CLVS1: variants seen among roughly 807,000 people sequenced by gnomAD.
CLVS1 encodes clavesin-1.
In CLVS1, 10 loss-of-function variants were observed where a neutral mutation model predicts 33.1. That is an observed-to-expected ratio of 0.30 (90% CI 0.19 to 0.51). The LOEUF is 0.51. Among genes scored for constraint, CLVS1 ranks in the 20% least tolerant of loss-of-function variants. CLVS1 has a pLI of 0.97. For synonymous variants in CLVS1, 163 were observed against 166.1 expected, an observed-to-expected ratio of 0.98 and a Z score of 0.14; for missense variants, 343 against 433.4, an observed-to-expected ratio of 0.79 and a Z score of 1.85.
chr8:61,438,329 C>A (rs897867937), intron 3 of CLVS1, among the ~76,000 whole-genome samples: 17 of 152,158 alleles, frequency 1.1e-4, no homozygotes, highest in African/African-American at 4.1e-4. Context: ...ACTTCCACCT[C>A]CATCCATGTC....
rs139906147 is a variant in CLVS1 at position 61,067,388 on chromosome 8, A to G, written c.-243+10158A>G. Among the ~76,000 whole-genome samples, 6 of 149,588 alleles carry G rather than the reference A, an allele frequency of 4.0e-5. No homozygotes were observed. In the East Asian group the frequency reaches 1.2e-3, roughly 29 times the overall value. On this transcript the variant is annotated intron_variant, in intron 1 of 2. Transcript: ENST00000522621. Reference sequence around the variant, plus strand: ...TATATAATGTGTGTGTACATATATAATTGTATTATATAATTATATATGTGA... The same window carrying G: ...TATATAATGTGTGTGTACATATATAGTTGTATTATATAATTATATATGTGA...
At chr8:61,356,343 A>G (rs1210643052) in intron 2 of CLVS1, among the ~76,000 whole-genome samples, 2 of 151,436 alleles carry the variant, frequency 1.3e-5, no homozygotes, top group Non-Finnish European at 2.9e-5. Flanking sequence ...GGTTGTGAAA[A>G]TTTTCTCCCA....
intron 3 of CLVS1, among the ~76,000 whole-genome samples, chr8:61,410,779 C>T (rs1216235897): frequency 3.9e-5 from 6 of 152,002 alleles, no homozygotes; most frequent in Non-Finnish European, 5.9e-5. Flanking sequence ...GTAGCTGGGA[C>T]TACAGGCGTG....
At chr8:60,976,867 G>T in the CLVS1 span, among the ~76,000 whole-genome samples, 1 of 152,242 alleles carries the variant, frequency 6.6e-6, no homozygotes, top group African/African-American at 2.4e-5. Context: ...AATTGGGGTT[G>T]TGTGTTTTGA....
chr8:61,141,867 G>T (rs1284929878), intron 2 of CLVS1, among the ~76,000 whole-genome samples: 2 of 152,214 alleles, frequency 1.3e-5, no homozygotes, highest in Non-Finnish European at 2.9e-5. Flanking sequence ...GATGGCCTTA[G>T]AGAGTCTGTT....
At chr8:61,327,547 T>G (rs116063978) in intron 2 of CLVS1, among the ~76,000 whole-genome samples, 35 of 152,344 alleles carry the variant, frequency 2.3e-4, no homozygotes, top group African/African-American at 8.4e-4. Flanking sequence ...ATTTGCTGAA[T>G]TAAATCAAAT....
chr8:61,268,159 C>A (rs1809351507), intron 2 of CLVS1, among the ~76,000 whole-genome samples: 1 of 129,314 alleles, frequency 7.7e-6, no homozygotes, highest in South Asian at 3.0e-4. Context: ...AGTGCTATCC[C>A]ACCCCCCTCC....
intron 1 of CLVS1, among the ~76,000 whole-genome samples, chr8:61,071,050 G>A (rs941506548): frequency 7.2e-5 from 11 of 152,162 alleles, no homozygotes; most frequent in South Asian, 4.1e-4. Context: ...AACTAAGTAC[G>A]TTTTGGGCAG....
intron 2 of CLVS1, among the ~76,000 whole-genome samples, chr8:61,362,228 A>T (rs1813013255): frequency 6.6e-6 from 1 of 152,208 alleles, no homozygotes; most frequent in Admixed American, 6.5e-5. Flanking sequence ...AGAATGGGAC[A>T]TTTGGCCAAG....
chr8:61,186,756 A>G (rs1271862431), intron 2 of CLVS1, among the ~76,000 whole-genome samples: 1 of 152,206 alleles, frequency 6.6e-6, no homozygotes, highest in Non-Finnish European at 1.5e-5. Flanking sequence ...AATAACCTTG[A>G]GAGTCTAGCA....
chr8:60,996,280 G>T, the CLVS1 span, among the ~76,000 whole-genome samples: 1 of 152,110 alleles, frequency 6.6e-6, no homozygotes, highest in Non-Finnish European at 1.5e-5. Flanking sequence ...TCTGGATTTT[G>T]CTTTTACTGG....
At chr8:61,233,759 A>C (rs1808495903) in intron 2 of CLVS1, among the ~76,000 whole-genome samples, 1 of 152,204 alleles carries the variant, frequency 6.6e-6, no homozygotes, top group African/African-American at 2.4e-5. Context: ...CGTGGAGCCC[A>C]AGGAGACAAG....
the CLVS1 span, among the ~76,000 whole-genome samples, chr8:61,032,280 G>A: frequency 1.3e-5 from 2 of 152,202 alleles, no homozygotes; most frequent in African/African-American, 4.8e-5. Flanking sequence ...GCTGAGTCTT[G>A]TGTTAAAATA....
chr8:61,030,859 G>C, the CLVS1 span, among the ~76,000 whole-genome samples: 1 of 152,162 alleles, frequency 6.6e-6, no homozygotes, highest in Admixed American at 6.5e-5. Context: ...GTGTAGGTTT[G>C]GGAGTCAGGC....
the CLVS1 span, among the ~76,000 whole-genome samples, chr8:61,029,191 A>G: frequency 1.3e-5 from 2 of 152,238 alleles, no homozygotes; most frequent in Non-Finnish European, 1.5e-5. Flanking sequence ...AACAAGTGCA[A>G]GGTTACCTAG....
chr8:61,205,083 C>T (rs938110560), intron 2 of CLVS1, among the ~76,000 whole-genome samples: 8 of 151,978 alleles, frequency 5.3e-5, no homozygotes, highest in African/African-American at 1.7e-4. Context: ...ATTCATAAAC[C>T]TAATTATGAG....
chr8:61,340,153 A>C (rs1313726695), intron 2 of CLVS1, among the ~76,000 whole-genome samples: 2 of 152,240 alleles, frequency 1.3e-5, no homozygotes, highest in Non-Finnish European at 2.9e-5. Flanking sequence ...GAAAGTTAGG[A>C]GAGGAGAAAG....
At chr8:61,090,087 A>G (rs1347776829) in intron 1 of CLVS1, among the ~76,000 whole-genome samples, 2 of 152,230 alleles carry the variant, frequency 1.3e-5, no homozygotes, top group African/African-American at 4.8e-5. Context: ...AGTCTTCAGC[A>G]TCCTCTGGGC....
chr8:61,043,719 A>G, the CLVS1 span, among the ~76,000 whole-genome samples: 1 of 152,190 alleles, frequency 6.6e-6, no homozygotes, highest in Non-Finnish European at 1.5e-5. Context: ...AAGGACCTGG[A>G]TTGACTGGGC....
Sources: allele counts gnomAD v4.1 joint callset (sites outside exome capture counted in the v4.1 genomes callset), GRCh38; gene constraint gnomAD v4.1.1; transcripts MANE v1.5; gene names NCBI Gene and HGNC (gene_info 2026-07-23, HGNC 2026-07-21).